NLGN1: variants seen among roughly 807,000 people sequenced by gnomAD.
NLGN1 encodes the protein neuroligin-1.
In NLGN1, 12 loss-of-function variants were observed where a neutral mutation model predicts 65.5. That is an observed-to-expected ratio of 0.18 (90% confidence interval 0.12 to 0.30). NLGN1 has a LOEUF of 0.30. Ranked by LOEUF, NLGN1 falls within the 10% of genes least tolerant of loss-of-function variation. The pLI is 1.00. For synonymous variants in NLGN1, 350 were observed against 359.5 expected (o/e 0.97, Z 0.30); for missense variants, 750 against 1,007.1 (o/e 0.74, Z 3.46).
intron 2 of NLGN1, among the ~76,000 whole-genome samples, chr3:173,565,397 C>T (rs1192504175): frequency 1.3e-5 from 2 of 152,114 alleles, no homozygotes; most frequent in Non-Finnish European, 2.9e-5. Context: ...GGAAGTTGAG[C>T]AGCAAAATAT....
Position 174,229,436 on chromosome 3 carries a change from A to G in NLGN1, c.647-45879A>G, listed in dbSNP as rs145691893. ...TCCGCATCTCCATAAACAGTTTACA[A>G]ACATTACTGCTTATGCCAACATCAA... On this transcript the variant is annotated intron_variant, in intron 4 of 6. Coordinates refer to ENST00000457714, the Ensembl canonical transcript of NLGN1. Among the ~76,000 whole-genome samples, 908 of 152,266 alleles carry G rather than the reference A, an allele frequency of 6.0e-3. 10 individuals carry two copies. The highest frequency in any genetic ancestry group is 0.021 in the African/African-American group (853 of 41,540).
intron 2 of NLGN1, among the ~76,000 whole-genome samples, chr3:173,601,364 CAATT>C (rs1211068488): frequency 6.6e-6 from 1 of 151,990 alleles, no homozygotes; most frequent in Non-Finnish European, 1.5e-5. Context: ...ATAATTGGCC[CAATT>C]AATTGATTAG....
At chr3:173,547,968 C>T (rs866877240) in intron 2 of NLGN1, among the ~76,000 whole-genome samples, 7 of 151,982 alleles carry the variant, frequency 4.6e-5, no homozygotes, top group South Asian at 2.1e-4. Context: ...AGCACTATCT[C>T]GGGAGTAGTG....
In NLGN1 at chr3:173,706,961, C is replaced by G. The variant is rs886301521; in HGVS notation, c.494-100719C>G. On this transcript the variant is annotated intron_variant, in intron 3 of 6. Transcript: ENST00000457714. ...GAAGCTGAGCTCTGATTTCACTCTCCCTACCAAGTCACAGCCATTTTTTAT... is the reference window on the plus strand; with the variant it reads ...GAAGCTGAGCTCTGATTTCACTCTCGCTACCAAGTCACAGCCATTTTTTAT... Among the ~76,000 whole-genome samples the G allele has an allele frequency of 5.3e-5, 8 of 152,300 alleles. No homozygotes were observed. In the East Asian group the frequency reaches 1.4e-3, roughly 26 times the overall value.
At chr3:173,543,844 T>C (rs565913800) in intron 2 of NLGN1, among the ~76,000 whole-genome samples, 1 of 152,216 alleles carries the variant, frequency 6.6e-6, no homozygotes, top group East Asian at 1.9e-4. Context: ...GAGAGAATTG[T>C]AATACAGGAT....
intron 4 of NLGN1, among the ~76,000 whole-genome samples, chr3:174,034,319 TAAA>T (rs35334497): frequency 1.3e-5 from 2 of 151,540 alleles, no homozygotes; most frequent in Non-Finnish European, 2.9e-5. Flanking sequence ...TAAGAAATGT[TAAA>T]AAAAAATTTT....
intron 4 of NLGN1, among the ~76,000 whole-genome samples, chr3:174,200,703 A>T (rs1412605515): frequency 6.6e-6 from 1 of 152,222 alleles, no homozygotes; most frequent in Non-Finnish European, 1.5e-5. Flanking sequence ...CTTTTCTTTT[A>T]TATGCACTTT....
At chr3:174,284,130 C>T (rs995414931) in exon 7 of NLGN1, 9 of 151,192 alleles carry the variant, frequency 6.0e-5, no homozygotes, top group African/African-American at 2.2e-4. Context: ...AAGCATAGCC[C>T]TATTAATTAT....
chr3:174,061,033 G>A (rs1209380970), intron 4 of NLGN1, among the ~76,000 whole-genome samples: 4 of 152,084 alleles, frequency 2.6e-5, no homozygotes, highest in African/African-American at 7.2e-5. Context: ...TTCTCCATAC[G>A]GTTATTTTGC....
At chr3:173,438,042 A>T (rs975603584) in intron 2 of NLGN1, among the ~76,000 whole-genome samples, 2 of 151,882 alleles carry the variant, frequency 1.3e-5, no homozygotes, top group Non-Finnish European at 2.9e-5. Flanking sequence ...AACATTGCAG[A>T]TTTATTATCA....
intron 4 of NLGN1, among the ~76,000 whole-genome samples, chr3:174,097,522 C>A (rs959072075): frequency 6.6e-6 from 1 of 152,146 alleles, no homozygotes; most frequent in African/African-American, 2.4e-5. Flanking sequence ...TGAGTCATTT[C>A]TATCCAGTCT....
chr3:173,412,596 A>G (rs1223144795), intron 1 of NLGN1, among the ~76,000 whole-genome samples: 1 of 152,134 alleles, frequency 6.6e-6, no homozygotes, highest in Non-Finnish European at 1.5e-5. Flanking sequence ...TTTCAGGAAA[A>G]TATATTGATT....
chr3:173,859,167 T>G (rs554861910), intron 4 of NLGN1, among the ~76,000 whole-genome samples: 1 of 152,190 alleles, frequency 6.6e-6, no homozygotes, highest in Non-Finnish European at 1.5e-5. Flanking sequence ...ATAAAGGAAG[T>G]CTTCCCAACA....
Position 174,029,104 on chromosome 3 carries a change from A to C in NLGN1, c.646+221272A>C, listed in dbSNP as rs529409123. Among the ~76,000 whole-genome samples, 3 of 152,332 alleles carry C rather than the reference A, an allele frequency of 2.0e-5. No homozygotes were observed. The East Asian group carries it at 5.8e-4, about 29-fold the overall frequency. On this transcript the variant is annotated intron_variant, in intron 4 of 6. Coordinates refer to ENST00000457714, the Ensembl canonical transcript of NLGN1. ...CCCCATACAGAGTCCTCACTGGGGC[A>C]CTGCCTACTGGAGCTGTAAGAAGAA...
At position 174,146,398 on chromosome 3, in the gene NLGN1, G is replaced by A. The variant is rs942197725; in HGVS notation, c.647-128917G>A. Among the ~76,000 whole-genome samples the A allele has an allele frequency of 2.6e-5, 4 of 152,008 alleles. No homozygotes were observed. In the East Asian group the frequency reaches 7.7e-4, roughly 29 times the overall value. On this transcript the variant is annotated intron_variant, in intron 4 of 6. Coordinates refer to ENST00000457714, the Ensembl canonical transcript of NLGN1. Reference sequence around the variant, plus strand: ...GCACACACAATATGATTTTTGTGAGGTTAAATAAGATAAAGTATATAATCA... The same window carrying A: ...GCACACACAATATGATTTTTGTGAGATTAAATAAGATAAAGTATATAATCA...
chr3:173,782,314 A>G (rs1781304102), intron 3 of NLGN1, among the ~76,000 whole-genome samples: 1 of 152,216 alleles, frequency 6.6e-6, no homozygotes, highest in Non-Finnish European at 1.5e-5. Flanking sequence ...AACATAGATC[A>G]GCAAATTAAT....
At chr3:174,028,961 T>A (rs1465645588) in intron 4 of NLGN1, among the ~76,000 whole-genome samples, 1 of 151,782 alleles carries the variant, frequency 6.6e-6, no homozygotes. Flanking sequence ...AACATAGAGC[T>A]CAGGCCATCA....
At chr3:173,453,654 A>C (rs2148858857) in intron 2 of NLGN1, among the ~76,000 whole-genome samples, 1 of 151,910 alleles carries the variant, frequency 6.6e-6, no homozygotes, top group African/African-American at 2.4e-5. Flanking sequence ...ATAAGAAGGA[A>C]CTCCTCATTC....
intron 3 of NLGN1, among the ~76,000 whole-genome samples, chr3:173,607,818 A>C (rs1361187790): frequency 6.6e-6 from 1 of 151,550 alleles, no homozygotes; most frequent in Non-Finnish European, 1.5e-5. Flanking sequence ...TTTATGAATG[A>C]TGGTTCAGGA....
Sources: gnomAD v4.1 joint callset for allele counts (sites outside exome capture counted in the v4.1 genomes callset) on GRCh38, gnomAD v4.1.1 for gene constraint, MANE v1.5 for transcripts, NCBI Gene and HGNC (gene_info 2026-07-23, HGNC 2026-07-21) for gene names.